DCAF6: variants seen among roughly 807,000 people sequenced by gnomAD.
The protein encoded by DCAF6 is DDB1 and CUL4 associated factor 6.
In DCAF6, 54 loss-of-function variants were observed where a neutral mutation model predicts 125.1. That is an observed-to-expected ratio of 0.43 (90% CI 0.35 to 0.54). The LOEUF (loss-of-function observed/expected upper bound fraction) is 0.54, where lower values mean the gene tolerates loss of function less well. DCAF6 is among the 20% of genes least tolerant of loss of function. The pLI is 0.01. For synonymous variants in DCAF6, 371 were observed against 390.4 expected (o/e 0.95, Z 0.58); for missense variants, 934 against 1,161.7 (o/e 0.80, Z 2.85).
At chr1:167,896,905 T>C in the DCAF6 span, among the ~76,000 whole-genome samples, 2 of 152,190 alleles carry the variant, frequency 1.3e-5, no homozygotes, top group Non-Finnish European at 2.9e-5. Context: ...CAATGTTTGG[T>C]ATATGTACAG....
chr1:167,949,590 G>C (rs1673611871), intron 1 of DCAF6, among the ~76,000 whole-genome samples: 1 of 152,140 alleles, frequency 6.6e-6, no homozygotes, highest in Admixed American at 6.5e-5. Context: ...TTCCCTATGA[G>C]ACTTGGATTA....
chr1:167,905,171 G>C, the DCAF6 span: 1 of 1,613,988 alleles, frequency 6.2e-7, no homozygotes, highest in Non-Finnish European at 8.5e-7. Flanking sequence ...ATTTTATGGT[G>C]ACAGGAAGCA....
the DCAF6 span, chr1:167,875,163 A>G: frequency 6.2e-7 from 1 of 1,614,204 alleles, no homozygotes; most frequent in Non-Finnish European, 8.5e-7. Flanking sequence ...TCTGTTGCAG[A>G]TGAGGCACGC....
chr1:167,864,895 G>GGA, the DCAF6 span, among the ~76,000 whole-genome samples: 17 of 129,276 alleles, frequency 1.3e-4, no homozygotes, highest in African/African-American at 4.8e-4. Flanking sequence ...TTGCTAACAG[G>GGA]AAAAAAAAAA....
chr1:168,069,349 T>C (rs2102002766), intron 21 of DCAF6, among the ~76,000 whole-genome samples: 1 of 152,336 alleles, frequency 6.6e-6, no homozygotes, highest in East Asian at 1.9e-4. Context: ...TTCTAGCTGA[T>C]TTACAGCATT....
intron 2 of DCAF6, among the ~76,000 whole-genome samples, chr1:167,966,312 G>A (rs986317173): frequency 6.6e-6 from 1 of 152,208 alleles, no homozygotes; most frequent in Non-Finnish European, 1.5e-5. Flanking sequence ...CCCGTGGGCT[G>A]CATGAGGCCC....
chr1:168,044,654 AG>A lies in DCAF6; in HGVS notation c.1914del (p.Asn639ThrfsTer5). ...QEGVSAENPVENHINITQSDK... is the reference protein window; with the variant it reads ...QEGVSAENPVXNHINITQSDK... The stretch of plus-strand genomic sequence containing the variant: ...GGAGTATCTGCAGAAAACCCAGTTG[AG>A]AACCATATCAATATAAGTGAGTTGC... On this transcript the variant is annotated frameshift_variant, in exon 15 of 22. Coordinates refer to ENST00000367840, the MANE Select transcript of DCAF6 (RefSeq NM_001198956.2). LOFTEE classifies it high-confidence loss of function. The A allele has an allele frequency of 6.2e-7, 1 of 1,612,050 alleles. No individual in the cohort carries two copies. Among genetic ancestry groups the A allele is most frequent in the Non-Finnish European group, 8.5e-7 (1 of 1,178,232 alleles).
chr1:167,969,258 A>G (rs1043394208), intron 3 of DCAF6: 1 of 152,164 alleles, frequency 6.6e-6, no homozygotes, highest in Non-Finnish European at 1.5e-5. Flanking sequence ...TGGATCTTAC[A>G]GGTTATGACT....
At chr1:167,923,196 G>A in the DCAF6 span, among the ~76,000 whole-genome samples, 17 of 152,270 alleles carry the variant, frequency 1.1e-4, no homozygotes, top group African/African-American at 4.1e-4. Context: ...ACTTCTGGGT[G>A]TATACTAAGA....
intron 10 of DCAF6, among the ~76,000 whole-genome samples, chr1:168,013,547 G>A (rs1049748215): frequency 6.6e-6 from 1 of 151,970 alleles, no homozygotes; most frequent in African/African-American, 2.4e-5. Context: ...AATTAATGAG[G>A]TTTTTATGCA....
chr1:168,061,032 C>CA (rs1394791196), intron 17 of DCAF6, among the ~76,000 whole-genome samples: 1 of 152,138 alleles, frequency 6.6e-6, no homozygotes, highest in Non-Finnish European at 1.5e-5. Flanking sequence ...TCTTGCTAAT[C>CA]ACATGTTTGT....
chr1:168,067,440 A>G (rs76740085), intron 20 of DCAF6, among the ~76,000 whole-genome samples: 3,142 of 152,184 alleles, frequency 0.021, 100 homozygotes, highest in African/African-American at 0.07. Context: ...GGTAGATAGG[A>G]TGGAGAGGTC....
chr1:167,976,129 TA>T (rs932540816), intron 4 of DCAF6, among the ~76,000 whole-genome samples: 1 of 152,158 alleles, frequency 6.6e-6, no homozygotes, highest in African/African-American at 2.4e-5. Flanking sequence ...TTCTACTTTT[TA>T]AAAAAAGTTT....
intron 1 of DCAF6, among the ~76,000 whole-genome samples, chr1:167,948,713 A>G (rs971023677): frequency 4.6e-5 from 7 of 152,112 alleles, no homozygotes; most frequent in Non-Finnish European, 5.9e-5. Flanking sequence ...GTACAGTGGC[A>G]TGATCTCAGC....
intron 10 of DCAF6, among the ~76,000 whole-genome samples, chr1:168,006,669 A>G (rs114972287): frequency 6.6e-6 from 1 of 152,124 alleles, no homozygotes; most frequent in Non-Finnish European, 1.5e-5. Context: ...CCATTGGGTG[A>G]ATGTAGTAGA....
At chr1:168,012,646 TATGTCTGGTTGA>T (rs1380441549) in intron 10 of DCAF6, among the ~76,000 whole-genome samples, 1 of 152,220 alleles carries the variant, frequency 6.6e-6, no homozygotes, top group Non-Finnish European at 1.5e-5. Context: ...TTTAGTCTGT[TATGTCTGGTTGA>T]ATTTTTTAAT....
chr1:167,923,338 A>G, the DCAF6 span, among the ~76,000 whole-genome samples: 1 of 152,340 alleles, frequency 6.6e-6, no homozygotes, highest in East Asian at 1.9e-4. Flanking sequence ...AATGTGGTAA[A>G]TACATACAAT....
chr1:167,866,118 T>C, the DCAF6 span, among the ~76,000 whole-genome samples: 1 of 152,162 alleles, frequency 6.6e-6, no homozygotes, highest in Non-Finnish European at 1.5e-5. Flanking sequence ...CAAGCGGATG[T>C]GTGGTGGTAT....
At chr1:167,878,489 C>T in the DCAF6 span, 1 of 1,614,184 alleles carries the variant, frequency 6.2e-7, no homozygotes, top group Non-Finnish European at 8.5e-7. Flanking sequence ...GGTCCAGAAT[C>T]TGCAACACCT....
Sources: allele counts gnomAD v4.1 joint callset (sites outside exome capture counted in the v4.1 genomes callset), GRCh38; gene constraint gnomAD v4.1.1; transcripts MANE v1.5; gene names NCBI Gene and HGNC (gene_info 2026-07-23, HGNC 2026-07-21).